Variants in PIAS2 observed in about 807,000 individuals in gnomAD.
PIAS2 encodes the protein protein inhibitor of activated STAT 2, also known as E3 SUMO-protein ligase PIAS2.
In PIAS2, 19 loss-of-function variants were observed where a neutral mutation model predicts 69.7. The ratio of observed to expected loss-of-function variants is 0.27; its 90% CI spans 0.19 to 0.40. The LOEUF (loss-of-function observed/expected upper bound fraction) is 0.40. PIAS2 is among the 10% of genes least tolerant of loss of function. The pLI is 1.00. For missense variants in PIAS2, 624 were observed against 757.0 expected (o/e 0.82, Z 2.06); for synonymous variants, 261 against 263.2 (o/e 0.99, Z 0.08).
chr18:46,851,415 G>A (rs1043644384), intron 5 of PIAS2, among the ~76,000 whole-genome samples: 1 of 152,142 alleles, frequency 6.6e-6, no homozygotes, highest in Non-Finnish European at 1.5e-5. Flanking sequence ...AAATAATCCA[G>A]CTTCTTAAAA....
Position 46,896,300 on chromosome 18 carries a change from T to C in PIAS2, c.25-5246A>G, listed in dbSNP as rs891311559. The stretch of plus-strand genomic sequence containing the variant: ...AACAAATTTCTTTAAACAAAGAAAA[T>C]AGTGCATGCAACTATATATTCTAAT... On this transcript the variant is annotated intron_variant, in intron 1 of 13. Coordinates refer to ENST00000585916, the MANE Select transcript of PIAS2 (RefSeq NM_004671.5). 9.4e-5 allele frequency among the ~76,000 whole-genome samples: 13 copies of C among 138,738 alleles called. 1 individual carries two copies. Among genetic ancestry groups the C allele is most frequent in the Non-Finnish European group, 1.7e-4 (11 of 64,170 alleles). The allele number at this position is 138,738 out of a possible 152,430, so 91.0% of individuals were successfully genotyped here. A position where few individuals can be genotyped will look rare whatever the true frequency, so the allele number is the denominator to read the frequency against.
At chr18:46,863,975 C>T (rs1474585778) in intron 3 of PIAS2, among the ~76,000 whole-genome samples, 189 bp downstream of exon 3, 1 of 152,152 alleles carries the variant, frequency 6.6e-6, no homozygotes. Context: ...CTGAGACGTG[C>T]AAGCCAAGGA....
rs1381232517 is a variant in PIAS2, at chr18:46,807,379, ATATATTTTTTTTTTTT to A, written c.*5038_*5053del. 1 of 25,598 alleles carries A rather than the reference ATATATTTTTTTTTTTT, an allele frequency of 3.9e-5. No individual in the cohort carries two copies. The highest frequency in any genetic ancestry group is 6.7e-5 in the Non-Finnish European group (1 of 14,978). 1.6% of individuals were successfully genotyped at this position (25,598 alleles called of 1,614,324 possible). ...TTTATATATATATATATATATATATATATATTTTTTTTTTTTTTTTTTTTTTTTTTTAGAGAGTCTT... is the reference window on the plus strand; with the variant it reads ...TTTATATATATATATATATATATATATTTTTTTTTTTTTTTAGAGAGTCTT... On this transcript the variant is annotated 3_prime_UTR_variant, in exon 14 of 14. Coordinates refer to ENST00000585916, the MANE Select transcript of PIAS2 (RefSeq NM_004671.5).
At chr18:46,844,514 A>T (rs1376373364) in intron 7 of PIAS2, among the ~76,000 whole-genome samples, 1 of 152,092 alleles carries the variant, frequency 6.6e-6, no homozygotes, top group Non-Finnish European at 1.5e-5. Flanking sequence ...GTAAACAGAA[A>T]AGATAAAAAT....
intron 11 of PIAS2, among the ~76,000 whole-genome samples, chr18:46,822,743 T>G (rs1355935875): frequency 6.6e-6 from 1 of 151,990 alleles, no homozygotes; most frequent in African/African-American, 2.4e-5. Context: ...TATGAGAAAC[T>G]GGAGGAAGGA....
At chr18:46,853,932 C>T (rs1387268650) in intron 5 of PIAS2, 1 of 152,330 alleles carries the variant, frequency 6.6e-6, no homozygotes, top group African/African-American at 2.4e-5. Flanking sequence ...CATACCTACT[C>T]AGCCTCTGCA....
At chr18:46,813,192 G>A (rs930890077) in intron 13 of PIAS2, among the ~76,000 whole-genome samples, 3 of 152,142 alleles carry the variant, frequency 2.0e-5, no homozygotes, top group African/African-American at 7.2e-5. Context: ...ACGGTAGCTA[G>A]CTATCACAGG....
intron 3 of PIAS2, among the ~76,000 whole-genome samples, chr18:46,857,764 T>C (rs1029259665): frequency 2.6e-5 from 4 of 152,206 alleles, no homozygotes; most frequent in African/African-American, 7.2e-5. Context: ...ACAAACATTA[T>C]GAGTAATGAC....
At chr18:46,917,606 C>A (rs1352858271), upstream of PIAS2, 8 of 997,896 alleles carry the variant, frequency 8.0e-6, no homozygotes, top group Non-Finnish European at 9.6e-6. Context: ...GCCTTCAGTC[C>A]GCGCGGCGAC....
Position 46,806,353 on chromosome 18 carries a change from CTTTTTT to C in PIAS2, c.*6074_*6079del, listed in dbSNP as rs869187746. On this transcript the variant is annotated 3_prime_UTR_variant, in exon 14 of 14. Coordinates refer to ENST00000585916, the MANE Select transcript of PIAS2 (RefSeq NM_004671.5). ...AAAATTCTTTGCACAATGCCTGTTACTTTTTTTTTTTTTTTTTTTTTTTTTTTTTGG... is the reference window on the plus strand; with the variant it reads ...AAAATTCTTTGCACAATGCCTGTTACTTTTTTTTTTTTTTTTTTTTTTTGG... 6.1e-4 allele frequency: 37 copies of C among 60,206 alleles called. 3 individuals carry two copies. Among genetic ancestry groups the C allele is most frequent in the South Asian group, 1.1e-3 (1 of 914 alleles). 3.7% of individuals were successfully genotyped at this position (60,206 alleles called of 1,614,324 possible). A position where few individuals can be genotyped will look rare whatever the true frequency, so the allele number is the denominator to read the frequency against.
chr18:46,917,067 G>C (rs980784293), intron 1 of PIAS2: 1 of 988,260 alleles, frequency 1.0e-6, no homozygotes, highest in Non-Finnish European at 1.2e-6. Context: ...CCCGCGCCAG[G>C]TGTGCGGACC....
chr18:46,826,252 T>C (rs116050179), intron 11 of PIAS2, among the ~76,000 whole-genome samples: 1,991 of 152,356 alleles, frequency 0.013, 41 homozygotes, highest in African/African-American at 0.044. Context: ...ATGTAAACTA[T>C]CCTTATTCCT....
Position 46,807,371 on chromosome 18 carries a change from A to T in PIAS2, c.*5062T>A, listed in dbSNP as rs2040742527. ...TGTCAGATTTTATATATATATATAT[A>T]TATATATATATATTTTTTTTTTTTT... On this transcript the variant is annotated 3_prime_UTR_variant, in exon 14 of 14. Transcript: ENST00000585916. 7.8e-5 allele frequency: 2 copies of T among 25,498 alleles called. No homozygotes were observed. Among genetic ancestry groups the T allele is most frequent in the Non-Finnish European group, 1.6e-4 (2 of 12,858 alleles). 1.6% of individuals were successfully genotyped at this position (25,498 alleles called of 1,614,324 possible). A position where few individuals can be genotyped will look rare whatever the true frequency, so the allele number is the denominator to read the frequency against.
At chr18:46,854,854 T>C (rs894460562) in intron 5 of PIAS2, among the ~76,000 whole-genome samples, 1 of 152,158 alleles carries the variant, frequency 6.6e-6, no homozygotes, top group Admixed American at 6.5e-5. Flanking sequence ...GCCCAGCTAA[T>C]GCAGACATCC....
rs1484521741 is a variant in PIAS2 at position 46,812,418 on chromosome 18, C to G, written c.*15G>C. The stretch of plus-strand genomic sequence containing the variant: ...AGTTCTGATGAATGATTCCCAGAAT[C>G]AAGTGAGTCCTCCTTTAGTCCAATG... On this transcript the variant is annotated 3_prime_UTR_variant, in exon 14 of 14. Transcript: ENST00000585916. 1.3e-6 allele frequency: 2 copies of G among 1,550,288 alleles called. No homozygotes were observed. Among genetic ancestry groups the G allele is most frequent in the Non-Finnish European group, 1.8e-6 (2 of 1,129,254 alleles).
At chr18:46,912,403 G>A (rs1203739595) in intron 1 of PIAS2, among the ~76,000 whole-genome samples, 1 of 152,108 alleles carries the variant, frequency 6.6e-6, no homozygotes, top group Non-Finnish European at 1.5e-5. Flanking sequence ...AGGAAATACT[G>A]ACAAGGAAAA....
At position 46,891,001 on chromosome 18, in the gene PIAS2, A is replaced by G. The variant is rs1263569772; in HGVS notation, c.78T>C (p.Ala26=). The change falls in exon 2 of 14, where the codon GCT becomes GCC. Residue 26 remains alanine, a synonymous_variant. Coordinates refer to ENST00000585916, the MANE Select transcript of PIAS2 (RefSeq NM_004671.5). The part of the protein sequence containing the change: ...VSELQVLLGF[A]GRNKSGRKHD... ...GCTTGCGTCCACTTTTATTCCGTCC[A>G]GCAAAGCCTAGTAATACTTGTAGTT... The G allele has an allele frequency of 6.2e-7, 1 of 1,613,780 alleles. No individual in the cohort carries two copies. Among genetic ancestry groups the G allele is most frequent in the East Asian group, 2.2e-5 (1 of 44,884 alleles).
chr18:46,908,720 C>T (rs773958388), intron 1 of PIAS2, among the ~76,000 whole-genome samples: 6 of 152,126 alleles, frequency 3.9e-5, no homozygotes, highest in East Asian at 3.9e-4. Context: ...CATCAAAAAA[C>T]GCATAAGGCT....
chr18:46,823,128 G>GGGAGGC (rs2042368152), intron 11 of PIAS2, among the ~76,000 whole-genome samples: 1 of 150,720 alleles, frequency 6.6e-6, no homozygotes, highest in South Asian at 2.1e-4. Context: ...CTAGCTACTT[G>GGGAGGC]GGAGGCTGAG....
Sources: allele counts gnomAD v4.1 joint callset (sites outside exome capture counted in the v4.1 genomes callset), GRCh38; gene constraint gnomAD v4.1.1; transcripts MANE v1.5; gene names NCBI Gene and HGNC (gene_info 2026-07-23, HGNC 2026-07-21).